GRIP1: variants seen among roughly 807,000 people sequenced by gnomAD.
The protein encoded by GRIP1 is glutamate receptor-interacting protein 1.
A neutral mutation model predicts 129.9 loss-of-function variants in GRIP1; 45 were observed. That is an observed-to-expected ratio of 0.35 (90% CI 0.27 to 0.44). GRIP1 has a LOEUF of 0.44. Among genes scored for constraint, GRIP1 ranks in the 20% least tolerant of loss-of-function variants. The pLI, the probability that GRIP1 is intolerant of heterozygous loss-of-function variation, is 1.00. For missense variants in GRIP1, 1,196 were observed against 1,396.8 expected (o/e 0.86, Z 2.29); for synonymous variants, 530 against 520.8 (o/e 1.02, Z -0.24).
intron 1 of GRIP1, among the ~76,000 whole-genome samples, chr12:66,612,146 G>A (rs2064827284): frequency 6.6e-6 from 1 of 152,004 alleles, no homozygotes; most frequent in African/African-American, 2.4e-5. Flanking sequence ...AAAAAACACA[G>A]CCATGTGTTG....
At chr12:66,687,944 T>C (rs929198327) in intron 1 of GRIP1, among the ~76,000 whole-genome samples, 3 of 152,182 alleles carry the variant, frequency 2.0e-5, no homozygotes, top group Admixed American at 6.5e-5. Context: ...GCAAAGAAGA[T>C]AGTCTGCATT....
intron 1 of GRIP1, among the ~76,000 whole-genome samples, chr12:66,922,607 C>T (rs2041231388): frequency 6.6e-6 from 1 of 152,186 alleles, no homozygotes; most frequent in African/African-American, 2.4e-5. Context: ...AAAATAAAAA[C>T]CAAACCCATA....
At chr12:66,925,403 T>C (rs2041280261) in intron 1 of GRIP1, among the ~76,000 whole-genome samples, 3 of 151,624 alleles carry the variant, frequency 2.0e-5, no homozygotes, top group Non-Finnish European at 4.4e-5. Context: ...TGCTCAAGTA[T>C]GTATGGCCTA....
At chr12:66,957,097 T>C (rs367556073) in intron 1 of GRIP1, among the ~76,000 whole-genome samples, 12 of 152,088 alleles carry the variant, frequency 7.9e-5, no homozygotes, top group Admixed American at 7.2e-4. Context: ...ATATTTGAGA[T>C]AGGGTCTTTA....
chr12:66,728,743 C>T (rs12228287), intron 1 of GRIP1, among the ~76,000 whole-genome samples: 1 of 152,114 alleles, frequency 6.6e-6, no homozygotes, highest in African/African-American at 2.4e-5. Context: ...AGGTTATAGT[C>T]TCACAGCCTG....
At chr12:66,539,373 G>A in intron 3 of GRIP1, 150 bp from the exon 4 acceptor site, 1 of 896,292 alleles carries the variant, frequency 1.1e-6, no homozygotes, top group Non-Finnish European at 1.8e-6. Flanking sequence ...AGGAGACGGT[G>A]GGCCCTTAAG....
At chr12:66,894,355 T>C (rs1836510388) in intron 1 of GRIP1, among the ~76,000 whole-genome samples, 1 of 152,210 alleles carries the variant, frequency 6.6e-6, no homozygotes, top group Non-Finnish European at 1.5e-5. Flanking sequence ...AGCCAGCATG[T>C]GTGTCTTGTC....
At chr12:67,024,626 T>A (rs1007100216) in intron 1 of GRIP1, among the ~76,000 whole-genome samples, 2 of 152,184 alleles carry the variant, frequency 1.3e-5, no homozygotes, top group Non-Finnish European at 2.9e-5. Flanking sequence ...AAATGCAAAG[T>A]CTAAATTATA....
chr12:66,917,947 A>AACAC lies in GRIP1; in HGVS notation c.58+151099_58+151102dup, dbSNP rs58387290. ...CAAGAGAACCAATAAGAGATGTATA[A>AACAC]ACACACACACACACACACACACACA... On this transcript the variant is annotated intron_variant, in intron 1 of 1. Transcript: ENST00000643019. 4.9e-3 allele frequency among the ~76,000 whole-genome samples: 719 copies of AACAC among 147,604 alleles called. 1 individual carries two copies. Among genetic ancestry groups the AACAC allele is most frequent in the Middle Eastern group, 0.017 (5 of 288 alleles).
chr12:66,436,412 A>G (rs765176043), intron 13 of GRIP1, among the ~76,000 whole-genome samples: 16 of 152,158 alleles, frequency 1.1e-4, no homozygotes, highest in Non-Finnish European at 1.6e-4. Context: ...TTTTCCAACA[A>G]AATAACTTCA....
At chr12:66,962,938 AGAT>A (rs2041943495) in intron 1 of GRIP1, among the ~76,000 whole-genome samples, 1 of 152,180 alleles carries the variant, frequency 6.6e-6, no homozygotes, top group Non-Finnish European at 1.5e-5. Flanking sequence ...CCACATCTAG[AGAT>A]CCATGGTTGA....
intron 7 of GRIP1, among the ~76,000 whole-genome samples, chr12:66,485,176 T>C (rs558022444): frequency 6.6e-6 from 1 of 152,326 alleles, no homozygotes; most frequent in African/African-American, 2.4e-5. Context: ...TTGCTCTATA[T>C]GTTTACCACC....
At chr12:66,787,330 T>C (rs115188090) in intron 1 of GRIP1, among the ~76,000 whole-genome samples, 261 of 152,200 alleles carry the variant, frequency 1.7e-3, no homozygotes, top group African/African-American at 6.2e-3. Context: ...GCTTTTGCTA[T>C]TGATTTTAAA....
chr12:66,446,094 G>GCCCCCCCCCCCCCC (rs1555185775), intron 11 of GRIP1, among the ~76,000 whole-genome samples: 19 of 140,396 alleles, frequency 1.4e-4, no homozygotes, highest in African/African-American at 3.4e-4. Flanking sequence ...CATTCCTCCT[G>GCCCCCCCCCCCCCC]CCGCCCCCCA....
chr12:66,745,698 G>A (rs1171407546), intron 1 of GRIP1, among the ~76,000 whole-genome samples: 1 of 152,060 alleles, frequency 6.6e-6, no homozygotes, highest in East Asian at 1.9e-4. Flanking sequence ...CAGAAGGAGA[G>A]GGATAGGGAC....
At chr12:66,832,435 A>G (rs2039535648) in intron 1 of GRIP1, among the ~76,000 whole-genome samples, 1 of 152,168 alleles carries the variant, frequency 6.6e-6, no homozygotes, top group Non-Finnish European at 1.5e-5. Context: ...ATCCTTCTAA[A>G]TCAATGCTTA....
chr12:66,611,889 C>T (rs970511389), intron 1 of GRIP1, among the ~76,000 whole-genome samples: 7 of 152,116 alleles, frequency 4.6e-5, no homozygotes, highest in African/African-American at 1.7e-4. Flanking sequence ...AGTCTTGCTG[C>T]AAACAGTTTG....
intron 23 of GRIP1, among the ~76,000 whole-genome samples, chr12:66,359,201 T>C (rs1408072149): frequency 6.6e-6 from 1 of 152,210 alleles, no homozygotes; most frequent in Admixed American, 6.5e-5. Context: ...ATCCTTGAGG[T>C]GCACCCACAT....
chr12:66,561,945 A>G (rs539719212), intron 2 of GRIP1, among the ~76,000 whole-genome samples: 1 of 152,012 alleles, frequency 6.6e-6, no homozygotes, highest in South Asian at 2.1e-4. Flanking sequence ...AGATTTAAAA[A>G]TTACCCAGGC....
Sources: gnomAD v4.1 joint callset for allele counts (sites outside exome capture counted in the v4.1 genomes callset) on GRCh38, gnomAD v4.1.1 for gene constraint, MANE v1.5 for transcripts, NCBI Gene and HGNC (gene_info 2026-07-23, HGNC 2026-07-21) for gene names.